Variants in MYPN observed in about 807,000 individuals in gnomAD.
MYPN encodes the protein myopalladin, also known as sarcomeric protein myopalladin, 145 kDa (MYOP).
In MYPN, 63 loss-of-function variants were observed where a neutral mutation model predicts 129.4. That is an observed-to-expected ratio of 0.49 (90% CI 0.40 to 0.60). The LOEUF is 0.60. MYPN is among the 20% of genes least tolerant of loss of function. The pLI, the probability that MYPN is intolerant of heterozygous loss-of-function variation, is 0.00. For missense variants in MYPN, 1,596 were observed against 1,635.4 expected, an observed-to-expected ratio of 0.98 and a Z score of 0.42; for synonymous variants, 629 against 600.9, an observed-to-expected ratio of 1.05 and a Z score of -0.68.
chr10:68,137,059 A>C (rs1259775385), intron 2 of MYPN, among the ~76,000 whole-genome samples: 2 of 152,186 alleles, frequency 1.3e-5, no homozygotes, highest in African/African-American at 4.8e-5. Context: ...TTAGAATTTA[A>C]AACTGAAAAA....
At chr10:68,124,660 C>T (rs1383492218) in intron 2 of MYPN, among the ~76,000 whole-genome samples, 1 of 152,112 alleles carries the variant, frequency 6.6e-6, no homozygotes, top group Admixed American at 6.6e-5. Flanking sequence ...TTGTTTTTAC[C>T]TTTGTGTCTT....
chr10:68,105,123 A>G (rs2042002391), upstream of MYPN, among the ~76,000 whole-genome samples: 1 of 152,092 alleles, frequency 6.6e-6, no homozygotes, highest in Non-Finnish European at 1.5e-5. Flanking sequence ...ATTTTTCACA[A>G]ATATGTTGGA....
At chr10:68,128,146 CT>C (rs1273066449) in intron 2 of MYPN, among the ~76,000 whole-genome samples, 3 of 152,092 alleles carry the variant, frequency 2.0e-5, no homozygotes, top group Non-Finnish European at 4.4e-5. Flanking sequence ...GAGGAGTTGT[CT>C]TAGAAAATGA....
upstream of MYPN, among the ~76,000 whole-genome samples, chr10:68,102,122 CTTT>C (rs35930233): frequency 1.8e-5 from 2 of 108,436 alleles, no homozygotes; most frequent in Non-Finnish European, 3.5e-5. Context: ...TTTCTCTCTC[CTTT>C]TTTTTTTTTT....
chr10:68,184,256 A>G (rs2043385125), intron 12 of MYPN, among the ~76,000 whole-genome samples: 1 of 152,250 alleles, frequency 6.6e-6, no homozygotes, highest in African/African-American at 2.4e-5. Context: ...ACTATGTGAG[A>G]GTAAAAAGAG....
At chr10:68,137,052 G>T (rs944423500) in intron 2 of MYPN, among the ~76,000 whole-genome samples, 3 of 151,942 alleles carry the variant, frequency 2.0e-5, no homozygotes, top group Non-Finnish European at 2.9e-5. Context: ...AATCATATTA[G>T]AATTTAAAAC....
In MYPN at chr10:68,121,848, G is replaced by A; in HGVS notation, c.410G>A (p.Arg137Lys). Residue 137 changes from arginine to lysine, a missense_variant, in exon 2 of 20, where the codon AGG (arginine) becomes AAG (lysine). Physicochemically the swap from Arg to Lys is conservative, Grantham distance 26 (BLOSUM62 2). Coordinates refer to ENST00000358913, the MANE Select transcript of MYPN (RefSeq NM_032578.4). ...SSKESPQEAK[R>K]PQYCSETQSK... ...AAAGAAAGCCCCCAGGAGGCAAAAA[G>A]GCCACAGTATTGTTCTGAAACCCAG... 1 of 1,614,148 alleles carries A rather than the reference G, an allele frequency of 6.2e-7. No individual in the cohort carries two copies.
chr10:68,088,436 C>G (rs576809431), intron 1 of MYPN, among the ~76,000 whole-genome samples: 2 of 152,246 alleles, frequency 1.3e-5, no homozygotes, highest in South Asian at 4.2e-4. Context: ...TGAGGACAGT[C>G]AACAGAATCC....
chr10:68,210,135 C>A, intron 19 of MYPN, 151 bp from the exon 20 acceptor site: 1 of 803,002 alleles, frequency 1.2e-6, no homozygotes, highest in Non-Finnish European at 2.0e-6. Context: ...TTGTTCTCTT[C>A]TACAAACGAG....
In MYPN at chr10:68,123,683, CAATAAATAAATA is replaced by C. The variant is rs58776013; in HGVS notation, c.902+1373_902+1384del. Among the ~76,000 whole-genome samples the C allele has an allele frequency of 4.5e-3, 633 of 139,660 alleles. 4 individuals carry two copies. Among genetic ancestry groups the C allele is most frequent in the African/African-American group, 0.013 (483 of 37,418 alleles). The allele number at this position is 139,660 out of a possible 152,430, so 91.6% of individuals were successfully genotyped here. ...CCTGGGCGACAGAGCGAGACTCCTT[CAATAAATAAATA>C]AATAAATAAATAAATAAATAAATAA... On this transcript the variant is annotated intron_variant, in intron 2 of 19. Coordinates refer to ENST00000358913, the MANE Select transcript of MYPN (RefSeq NM_032578.4).
At chr10:68,195,219 G>T (rs1393246790) in intron 14 of MYPN, among the ~76,000 whole-genome samples, 3 of 152,052 alleles carry the variant, frequency 2.0e-5, no homozygotes, top group Non-Finnish European at 4.4e-5. Context: ...CCTTTGACTT[G>T]TTCATATCTC....
At chr10:68,093,689 G>A (rs750044779) in intron 1 of MYPN, among the ~76,000 whole-genome samples, 185 of 151,624 alleles carry the variant, frequency 1.2e-3, no homozygotes, top group Non-Finnish European at 1.5e-3. Flanking sequence ...CCCCGGAGGC[G>A]GAGCTTGCAG....
At chr10:68,166,800 A>G in intron 10 of MYPN, 134 bp downstream of exon 10, 1 of 1,257,768 alleles carries the variant, frequency 8.0e-7, no homozygotes, top group Non-Finnish European at 1.1e-6. Context: ...AGGCTGAGGC[A>G]GGAGGATCGC....
chr10:68,152,195 A>T (rs970874556), intron 6 of MYPN, among the ~76,000 whole-genome samples: 2 of 152,188 alleles, frequency 1.3e-5, no homozygotes, highest in African/African-American at 4.8e-5. Context: ...CATGCAGATG[A>T]AGCCTCCAGG....
At chr10:68,175,288 T>C (rs201455272) in intron 11 of MYPN, 35 bp from the exon 12 acceptor site, 61 of 1,613,646 alleles carry the variant, frequency 3.8e-5, no homozygotes, top group Non-Finnish European at 4.8e-5. Context: ...GCCAGTGCTT[T>C]TCATGGGTGT....
intron 1 of MYPN, among the ~76,000 whole-genome samples, chr10:68,091,165 T>C (rs1223071835): frequency 6.6e-6 from 1 of 152,094 alleles, no homozygotes; most frequent in Non-Finnish European, 1.5e-5. Flanking sequence ...AGGCATGGAC[T>C]GGAGAAAGGC....
At chr10:68,091,864 A>T (rs1048052969) in intron 1 of MYPN, among the ~76,000 whole-genome samples, 3 of 151,908 alleles carry the variant, frequency 2.0e-5, no homozygotes, top group Non-Finnish European at 2.9e-5. Context: ...AAAAAAAAAA[A>T]ATTACAAGAG....
chr10:68,128,851 A>C (rs12217951), intron 2 of MYPN, among the ~76,000 whole-genome samples: 45,484 of 151,922 alleles, frequency 0.3, 7,447 homozygotes, highest in East Asian at 0.46. Context: ...GAAAATTTGA[A>C]GCCCTTGATG....
intron 19 of MYPN, among the ~76,000 whole-genome samples, chr10:68,209,730 G>A (rs745443281): frequency 7.0e-6 from 1 of 143,374 alleles, no homozygotes; most frequent in African/African-American, 2.6e-5. Flanking sequence ...TCGCTCTGTC[G>A]CCCAGGTGAA....
Sources: gnomAD v4.1 joint callset for allele counts (sites outside exome capture counted in the v4.1 genomes callset) on GRCh38, gnomAD v4.1.1 for gene constraint, MANE v1.5 for transcripts, NCBI Gene and HGNC (gene_info 2026-07-23, HGNC 2026-07-21) for gene names.